Variants in ANKFY1 observed in about 807,000 individuals in gnomAD.
ANKFY1 encodes ankyrin repeat and FYVE domain containing 1.
ANKFY1 carries 47 observed loss-of-function variants against 128.3 expected under a neutral mutation model. That is an observed-to-expected ratio of 0.37 (90% CI 0.29 to 0.47). The LOEUF (loss-of-function observed/expected upper bound fraction) is 0.47, where lower values mean the gene tolerates loss of function less well. Ranked by LOEUF, ANKFY1 falls within the 20% of genes least tolerant of loss-of-function variation. ANKFY1 has a pLI of 1.00. For missense variants in ANKFY1, 1,222 were observed against 1,510.6 expected, an observed-to-expected ratio of 0.81 and a Z score of 3.17; for synonymous variants, 553 against 601.6, an observed-to-expected ratio of 0.92 and a Z score of 1.18.
chr17:4,215,476 G>A (rs888342188), intron 4 of ANKFY1, among the ~76,000 whole-genome samples: 2 of 152,006 alleles, frequency 1.3e-5, no homozygotes, highest in Non-Finnish European at 2.9e-5. Context: ...AACCGCACCC[G>A]TCGCTAGCAC....
In ANKFY1 at chr17:4,170,761, G is replaced by C; in HGVS notation, c.3240C>G (p.Ile1080Met). Reference protein sequence around the residue: ...LGVNNNQGVNIFNYQVATKQL... With the variant: ...LGVNNNQGVNMFNYQVATKQL... The stretch of plus-strand genomic sequence containing the variant: ...GCTTGGTGGCGACCTGGTAGTTGAA[G>C]ATGTTGACTCCCTGGTTGTTATTCA... Residue 1080 changes from isoleucine (I) to methionine (M), a missense_variant, in exon 23 of 25, where the codon ATC (isoleucine) becomes ATG (methionine). Physicochemically the swap from Ile to Met is conservative, Grantham distance 10. Coordinates refer to ENST00000341657, the MANE Select transcript of ANKFY1 (RefSeq NM_001330063.2). 2 of 1,614,118 alleles carry C rather than the reference G, an allele frequency of 1.2e-6. No homozygotes were observed. Among genetic ancestry groups the C allele is most frequent in the Non-Finnish European group, 1.7e-6 (2 of 1,179,964 alleles).
rs2060286354 is a variant in ANKFY1 at position 4,220,196 on chromosome 17, T to C, written c.323-3078A>G. On this transcript the variant is annotated intron_variant, in intron 3 of 24. Transcript: ENST00000341657. ...CCAGACAGAAAACTAATTAGATTTATTTAAACAACCTAGGTGCTTCAGCTA... is the reference window on the plus strand; with the variant it reads ...CCAGACAGAAAACTAATTAGATTTACTTAAACAACCTAGGTGCTTCAGCTA... Among the ~76,000 whole-genome samples, 3 of 152,224 alleles carry C rather than the reference T, an allele frequency of 2.0e-5. No homozygotes were observed. The South Asian group carries it at 6.2e-4, about 31-fold the overall frequency.
intron 3 of ANKFY1, among the ~76,000 whole-genome samples, chr17:4,226,242 C>A (rs1282844167): frequency 6.6e-6 from 1 of 152,116 alleles, no homozygotes; most frequent in African/African-American, 2.4e-5. Flanking sequence ...TAGAACTAGG[C>A]TATGCATAGT....
At chr17:4,179,120 A>C in intron 17 of ANKFY1, 63 bp from the exon 18 acceptor site, 1 of 1,536,700 alleles carries the variant, frequency 6.5e-7, no homozygotes, top group Non-Finnish European at 9.0e-7. Context: ...AAAATATGAA[A>C]GGGTATAACT....
chr17:4,191,620 TAGTTGATGGTTAATCTGGAGACTCC>T, intron 10 of ANKFY1, among the ~76,000 whole-genome samples: 4 of 143,536 alleles, frequency 2.8e-5, no homozygotes, highest in African/African-American at 1.0e-4. Context: ...TGGAGACTCC[TAGTTGATGGTTAATCTGGAGACTCC>T]TAGTTGATGG....
chr17:4,243,052 TTTTTTTG>T (rs1340477275), intron 1 of ANKFY1, among the ~76,000 whole-genome samples: 1 of 150,072 alleles, frequency 6.7e-6, no homozygotes, highest in Non-Finnish European at 1.5e-5. Flanking sequence ...TCTCTCTCTC[TTTTTTTG>T]TTTTTTGTTT....
intron 1 of ANKFY1, among the ~76,000 whole-genome samples, chr17:4,256,108 G>A (rs539623013): frequency 4.0e-5 from 6 of 149,338 alleles, no homozygotes; most frequent in African/African-American, 9.8e-5. Flanking sequence ...GAGGCACCAC[G>A]CCCAGCCCAC....
intron 4 of ANKFY1, among the ~76,000 whole-genome samples, chr17:4,215,431 C>T (rs2060205289): frequency 6.6e-6 from 1 of 152,106 alleles, no homozygotes; most frequent in Non-Finnish European, 1.5e-5. Flanking sequence ...GCGAGATCCC[C>T]ACATTACAAA....
intron 7 of ANKFY1, among the ~76,000 whole-genome samples, chr17:4,199,923 A>G (rs1051724359): frequency 3.9e-5 from 6 of 152,262 alleles, no homozygotes; most frequent in African/African-American, 1.4e-4. Flanking sequence ...CAAGGCAAGA[A>G]TAGCAAAGCA....
intron 5 of ANKFY1, among the ~76,000 whole-genome samples, chr17:4,208,607 G>A (rs192058500): frequency 1.9e-4 from 29 of 152,326 alleles, no homozygotes; most frequent in African/African-American, 7.0e-4. Flanking sequence ...TACCAATCCT[G>A]TTTCAATGCC....
At chr17:4,191,429 A>ACGCC (rs1198854172) in intron 10 of ANKFY1, 14 of 144,042 alleles carry the variant, frequency 9.7e-5, no homozygotes, top group African/African-American at 3.7e-4. Context: ...TAATCTGGAG[A>ACGCC]TGCCTAGTTG....
chr17:4,168,493 T>C (rs940900792), intron 24 of ANKFY1, among the ~76,000 whole-genome samples: 1 of 152,154 alleles, frequency 6.6e-6, no homozygotes, highest in African/African-American at 2.4e-5. Context: ...TATCTTTTTT[T>C]TTCCTTTTTT....
At chr17:4,245,761 A>AT (rs758076180) in intron 1 of ANKFY1, among the ~76,000 whole-genome samples, 1 of 140,518 alleles carries the variant, frequency 7.1e-6, no homozygotes, top group Non-Finnish European at 1.5e-5. Flanking sequence ...AAAAAAAAAA[A>AT]CAACCAGCCA....
intron 7 of ANKFY1, among the ~76,000 whole-genome samples, chr17:4,197,808 T>C (rs915264614): frequency 1.4e-4 from 21 of 152,188 alleles, no homozygotes; most frequent in Admixed American, 1.1e-3. Context: ...TCCTGCCTCC[T>C]CACCTCAGTA....
chr17:4,184,031 G>T (rs1019132938), intron 12 of ANKFY1, 121 bp from the exon 13 acceptor site: 4 of 776,546 alleles, frequency 5.2e-6, no homozygotes, highest in Non-Finnish European at 8.4e-6. Context: ...GCTATAAAAA[G>T]AGAGTAGATA....
intron 1 of ANKFY1, among the ~76,000 whole-genome samples, chr17:4,244,033 C>A (rs1046562891): frequency 2.6e-5 from 4 of 151,568 alleles, no homozygotes; most frequent in Non-Finnish European, 5.9e-5. Context: ...TGGGTTCAAG[C>A]GATTCTCCTC....
At chr17:4,252,708 C>T (rs551363671) in intron 1 of ANKFY1, among the ~76,000 whole-genome samples, 2 of 152,312 alleles carry the variant, frequency 1.3e-5, no homozygotes, top group African/African-American at 4.8e-5. Context: ...CAATTCCACT[C>T]CCAGTTATTT....
rs1460541589 is a variant in ANKFY1 at position 4,177,030 on chromosome 17, CA to C, written c.2775+95del. 5 of 1,306,384 alleles carry C rather than the reference CA, an allele frequency of 3.8e-6. No individual in the cohort carries two copies. In the African/African-American group the frequency reaches 7.6e-5, roughly 20 times the overall value. 80.9% of individuals were successfully genotyped at this position (1,306,384 alleles called of 1,614,324 possible). On this transcript the variant is annotated intron_variant, in intron 19 of 24. Transcript: ENST00000341657. ...TCCCCAAATTCCCCAGGTGCTTTCACAACACCGGGCAAAGCACCTGTGATGA... is the reference window on the plus strand; with the variant it reads ...TCCCCAAATTCCCCAGGTGCTTTCACACACCGGGCAAAGCACCTGTGATGA...
At chr17:4,196,144 TACACACACACACACAC>T (rs35005172) in intron 8 of ANKFY1, among the ~76,000 whole-genome samples, 1,128 of 83,948 alleles carry the variant, frequency 0.013, 20 homozygotes, top group African/African-American at 0.048. Flanking sequence ...CTGCATCTAC[TACACACACACACACAC>T]ACACACACAC....
Sources: gnomAD v4.1 joint callset for allele counts (sites outside exome capture counted in the v4.1 genomes callset) on GRCh38, gnomAD v4.1.1 for gene constraint, MANE v1.5 for transcripts, NCBI Gene and HGNC (gene_info 2026-07-23, HGNC 2026-07-21) for gene names.